The following WRN variants were observed in gnomAD, a reference collection of about 807,000 sequenced individuals.
WRN encodes the protein WRN RecQ like helicase, also known as bifunctional 3'-5' exonuclease/ATP-dependent helicase WRN.
WRN carries 149 observed loss-of-function variants against 180.7 expected under a neutral mutation model. The ratio of observed to expected loss-of-function variants is 0.82; its 90% CI spans 0.72 to 0.94. WRN has a LOEUF of 0.94. WRN is among the 40% of genes least tolerant of loss of function. The pLI, the probability that WRN is intolerant of heterozygous loss-of-function variation, is 0.00. For synonymous variants in WRN, 548 were observed against 568.9 expected, an observed-to-expected ratio of 0.96 and a Z score of 0.52; for missense variants, 1,661 against 1,700.1, an observed-to-expected ratio of 0.98 and a Z score of 0.40.
Position 31,120,430 on chromosome 8 carries a change from A to G in WRN, c.2630+6A>G, listed in dbSNP as rs1242715690. On this transcript the variant is annotated splice_donor_region_variant and intron_variant, in intron 21 of 34. Transcript: ENST00000298139. Reference sequence around the variant, plus strand: ...GCAGACATTAACTTAAATAGGTAAAAAAAATTTATTGTTTTTACTCTTGCA... The same window carrying G: ...GCAGACATTAACTTAAATAGGTAAAGAAAATTTATTGTTTTTACTCTTGCA... 8 of 1,610,978 alleles carry G rather than the reference A, an allele frequency of 5.0e-6. No homozygotes were observed. The highest frequency in any genetic ancestry group is 2.2e-5 in the East Asian group (1 of 44,772).
rs188322293 is a variant in WRN at position 31,157,814 on chromosome 8, A to G, written c.3982+284A>G. 2.7e-3 allele frequency among the ~76,000 whole-genome samples: 412 copies of G among 152,046 alleles called. 2 individuals carry two copies. The highest frequency in any genetic ancestry group is 9.0e-3 in the African/African-American group (375 of 41,470). On this transcript the variant is annotated intron_variant, in intron 33 of 34. Transcript: ENST00000298139. ...GTGATCTTGGCTCGCTGCAACCTCT[A>G]TCTCCCAGGTTCAAGTGATTCTCTT...
chr8:31,036,770 A>G (rs1811467113), intron 1 of WRN, among the ~76,000 whole-genome samples: 1 of 152,178 alleles, frequency 6.6e-6, no homozygotes, highest in East Asian at 1.9e-4. Context: ...ACCTCTTATT[A>G]GATGTATAGT....
intron 1 of WRN, among the ~76,000 whole-genome samples, chr8:31,046,531 C>T (rs1243194389): frequency 6.6e-6 from 1 of 152,202 alleles, no homozygotes; most frequent in African/African-American, 2.4e-5. Context: ...GAGCCTACTT[C>T]AAGCCTCTGT....
intron 24 of WRN, among the ~76,000 whole-genome samples, chr8:31,133,892 C>T (rs972827447): frequency 6.6e-6 from 1 of 152,114 alleles, no homozygotes; most frequent in Non-Finnish European, 1.5e-5. Context: ...TGTAATCCAG[C>T]CATATCCAGT....
At chr8:31,080,261 C>T (rs753346847) in intron 8 of WRN, among the ~76,000 whole-genome samples, 2 of 152,142 alleles carry the variant, frequency 1.3e-5, no homozygotes, top group African/African-American at 2.4e-5. Flanking sequence ...TCATTATATA[C>T]AGGCCAGCTC....
rs1813284266 is a variant in WRN, at chr8:31,081,009, G to A, written c.982G>A (p.Val328Ile). Residue 328 changes from valine (V) to isoleucine (I), a missense_variant, in exon 9 of 35, where the codon GTA (valine) becomes ATA (isoleucine). Transcript: ENST00000298139. ...CTTTGAAGATTCAACTACTGGGGGA[G>A]TACAACAGAAACAAATTAGAGAACA... ...LSFEDSTTGG[V>I]QQKQIREHEV... is the part of the protein sequence containing the mutation. 6.2e-7 allele frequency: 1 copy of A among 1,613,986 alleles called. No individual in the cohort carries two copies. The highest frequency in any genetic ancestry group is 8.5e-7 in the Non-Finnish European group (1 of 1,179,970).
intron 24 of WRN, 98 bp from the exon 25 acceptor site, chr8:31,141,332 T>C: frequency 6.7e-7 from 1 of 1,483,084 alleles, no homozygotes; most frequent in Non-Finnish European, 9.2e-7. Context: ...AGTTGAAATT[T>C]AGTGTAAATC....
At chr8:31,170,007 G>C (rs921247975) in intron 34 of WRN, among the ~76,000 whole-genome samples, 1 of 152,066 alleles carries the variant, frequency 6.6e-6, no homozygotes, top group Non-Finnish European at 1.5e-5. Flanking sequence ...TGTCTTTCCA[G>C]TGTATGCCTG....
chr8:31,065,357 A>G (rs949512953), intron 5 of WRN, among the ~76,000 whole-genome samples: 1 of 152,078 alleles, frequency 6.6e-6, no homozygotes, highest in Non-Finnish European at 1.5e-5. Flanking sequence ...CCTGGTACCC[A>G]TTAGTTATTT....
intron 11 of WRN, 64 bp from the exon 12 acceptor site, chr8:31,087,712 G>T (rs1241478259): frequency 9.7e-6 from 15 of 1,541,774 alleles, no homozygotes; most frequent in Non-Finnish European, 1.3e-5. Flanking sequence ...GTCCTTTTGT[G>T]TTTGGTGAAA....
chr8:31,077,888 T>C (rs1371614675), intron 8 of WRN, among the ~76,000 whole-genome samples: 1 of 152,144 alleles, frequency 6.6e-6, no homozygotes, highest in Non-Finnish European at 1.5e-5. Context: ...AAAAGGAAAA[T>C]GTGACATTGT....
chr8:31,141,353 A>G (rs894495733), intron 24 of WRN, 77 bp from the exon 25 acceptor site: 1 of 1,565,932 alleles, frequency 6.4e-7, no homozygotes, highest in African/African-American at 1.4e-5. Context: ...CAAAGAATCA[A>G]TAGACAAGTC....
chr8:31,137,671 T>G (rs1802449925), intron 24 of WRN, among the ~76,000 whole-genome samples: 2 of 152,008 alleles, frequency 1.3e-5, no homozygotes, highest in African/African-American at 4.8e-5. Context: ...TACCTGCATA[T>G]TAGATGAGGA....
At chr8:31,066,889 CAG>C (rs1812727001) in intron 5 of WRN, 142 bp from the exon 6 acceptor site, 1 of 919,940 alleles carries the variant, frequency 1.1e-6, no homozygotes. Flanking sequence ...CTTTTAGTGA[CAG>C]GGAATTTGTT....
intron 27 of WRN, among the ~76,000 whole-genome samples, chr8:31,143,024 G>GACACACACACACACAC (rs10529735): frequency 2.2e-5 from 3 of 136,524 alleles, no homozygotes; most frequent in Non-Finnish European, 4.8e-5. Context: ...TCTTATTAAA[G>GACACACACACACACAC]ACACACACAC....
Position 31,173,510 on chromosome 8 carries a change from A to T in WRN, c.*408A>T, listed in dbSNP as rs538307011. ...TATCAAAATTCTGTTTTGTAAATGT[A>T]AGAAAGCATAGTTATTTTACAAATT... On this transcript the variant is annotated 3_prime_UTR_variant, in exon 35 of 35. Transcript: ENST00000298139. The T allele has an allele frequency of 3.4e-4, 65 of 191,604 alleles. No homozygotes were observed. The highest frequency in any genetic ancestry group is 1.4e-3 in the African/African-American group (62 of 42,794). 11.9% of individuals were successfully genotyped at this position (191,604 alleles called of 1,614,324 possible).
chr8:31,060,743 A>G (rs897954694), intron 3 of WRN, among the ~76,000 whole-genome samples: 4 of 152,200 alleles, frequency 2.6e-5, no homozygotes, highest in African/African-American at 7.2e-5. Context: ...TAACTCTACC[A>G]TTTTACCTTC....
At chr8:31,124,796 A>G in intron 22 of WRN, 112 bp from the exon 23 acceptor site, 1 of 1,246,734 alleles carries the variant, frequency 8.0e-7, no homozygotes, top group Non-Finnish European at 1.1e-6. Context: ...AAGTCAAATA[A>G]TGAAGTCCCA....
At position 31,076,212 on chromosome 8, in the gene WRN, C is replaced by G; in HGVS notation, c.764C>G (p.Thr255Ser). ...CTTAGCGACATGAACAAACAGTTGA[C>G]TTCAATCTCTGAGGAAGTGATGGAT... ...ILLSDMNKQL[T>S]SISEEVMDLA... The change falls in exon 8 of 35, where the codon ACT (threonine) becomes AGT (serine). Residue 255 changes from threonine to serine, a missense_variant. By Grantham distance (58) the Thr-to-Ser change is moderately conservative. Coordinates refer to ENST00000298139, the MANE Select transcript of WRN (RefSeq NM_000553.6). The G allele has an allele frequency of 1.9e-6, 3 of 1,613,850 alleles. No homozygotes were observed. Among genetic ancestry groups the G allele is most frequent in the Non-Finnish European group, 2.5e-6 (3 of 1,179,920 alleles).
Sources: gnomAD v4.1 joint callset for allele counts (sites outside exome capture counted in the v4.1 genomes callset) on GRCh38, gnomAD v4.1.1 for gene constraint, MANE v1.5 for transcripts, NCBI Gene and HGNC (gene_info 2026-07-23, HGNC 2026-07-21) for gene names.